The following PTPRT variants were observed in gnomAD, a reference collection of about 807,000 sequenced individuals.
PTPRT encodes protein tyrosine phosphatase receptor type T.
PTPRT carries 56 observed loss-of-function variants against 176.8 expected under a neutral mutation model. That is an observed-to-expected ratio of 0.32 (90% CI 0.26 to 0.40). The LOEUF (loss-of-function observed/expected upper bound fraction) is 0.40. Ranked by LOEUF, PTPRT falls within the 10% of genes least tolerant of loss-of-function variation. PTPRT has a pLI of 1.00. For synonymous variants in PTPRT, 783 were observed against 739.0 expected, an observed-to-expected ratio of 1.06 and a Z score of -0.96; for missense variants, 1,540 against 1,908.2, an observed-to-expected ratio of 0.81 and a Z score of 3.60.
At chr20:42,223,482 G>A (rs1447640107) in intron 15 of PTPRT, among the ~76,000 whole-genome samples, 9 of 152,162 alleles carry the variant, frequency 5.9e-5, no homozygotes, top group Non-Finnish European at 4.4e-5. Flanking sequence ...ACCATTCAGA[G>A]CTAAGGCAAA....
intron 6 of PTPRT, among the ~76,000 whole-genome samples, chr20:42,722,702 C>T (rs1378318113): frequency 6.6e-6 from 1 of 152,208 alleles, no homozygotes; most frequent in Non-Finnish European, 1.5e-5. Context: ...TATATCCACA[C>T]TATCCCACAT....
At chr20:42,967,847 C>T (rs1187315251) in intron 1 of PTPRT, among the ~76,000 whole-genome samples, 2 of 152,066 alleles carry the variant, frequency 1.3e-5, no homozygotes, top group African/African-American at 4.8e-5. Flanking sequence ...GGAAGAAATT[C>T]CAAAACTCAA....
At chr20:42,373,609 G>A (rs937422137) in intron 9 of PTPRT, among the ~76,000 whole-genome samples, 8 of 152,266 alleles carry the variant, frequency 5.3e-5, no homozygotes, top group East Asian at 3.9e-4. Flanking sequence ...ATATGAATTC[G>A]CAGTTGTAAT....
intron 11 of PTPRT, among the ~76,000 whole-genome samples, chr20:42,332,742 G>C (rs974489587): frequency 6.6e-6 from 1 of 152,020 alleles, no homozygotes; most frequent in Non-Finnish European, 1.5e-5. Flanking sequence ...GTGAAAACTA[G>C]AATTTGGAAA....
At chr20:42,869,393 C>A (rs1166999318) in intron 2 of PTPRT, among the ~76,000 whole-genome samples, 1 of 152,170 alleles carries the variant, frequency 6.6e-6, no homozygotes, top group Non-Finnish European at 1.5e-5. Flanking sequence ...CCCACCCTTG[C>A]TGCACGGTGT....
chr20:42,614,960 A>C (rs1275546995), intron 7 of PTPRT, among the ~76,000 whole-genome samples: 5 of 145,118 alleles, frequency 3.4e-5, no homozygotes, highest in Non-Finnish European at 6.0e-5. Flanking sequence ...TTATACTTTA[A>C]GTTTTAGGGT....
intron 1 of PTPRT, among the ~76,000 whole-genome samples, chr20:43,173,074 T>C (rs1344999864): frequency 6.6e-6 from 1 of 151,998 alleles, no homozygotes; most frequent in African/African-American, 2.4e-5. Flanking sequence ...GGTTTCTCCA[T>C]GTTGGTCACG....
At chr20:42,379,951 T>C (rs1232510792) in intron 9 of PTPRT, among the ~76,000 whole-genome samples, 1 of 152,178 alleles carries the variant, frequency 6.6e-6, no homozygotes, top group African/African-American at 2.4e-5. Flanking sequence ...ACGTGAAGGA[T>C]ATGAAGTCTG....
At chr20:42,071,911 G>T (rs895804689), downstream of PTPRT, among the ~76,000 whole-genome samples, 1 of 152,128 alleles carries the variant, frequency 6.6e-6, no homozygotes, top group Non-Finnish European at 1.5e-5. Context: ...TCCCACTTTG[G>T]TCTTCCAAAG....
At chr20:42,057,386 G>T in the PTPRT span, among the ~76,000 whole-genome samples, 2 of 152,138 alleles carry the variant, frequency 1.3e-5, no homozygotes, top group African/African-American at 2.4e-5. Flanking sequence ...AGGGTTTGAA[G>T]GGTACAGCAG....
intron 7 of PTPRT, among the ~76,000 whole-genome samples, chr20:42,575,089 G>A (rs947427091): frequency 6.6e-6 from 1 of 152,100 alleles, no homozygotes; most frequent in African/African-American, 2.4e-5. Context: ...AATACACAGG[G>A]AAAAAGGACC....
intron 9 of PTPRT, among the ~76,000 whole-genome samples, chr20:42,394,537 G>A (rs944846892): frequency 2.0e-5 from 3 of 152,168 alleles, no homozygotes; most frequent in African/African-American, 7.2e-5. Context: ...GGTTGACAGA[G>A]CAGAAAAACC....
chr20:42,182,379 T>A (rs1428095281), intron 16 of PTPRT, among the ~76,000 whole-genome samples: 1 of 152,146 alleles, frequency 6.6e-6, no homozygotes, highest in Non-Finnish European at 1.5e-5. Context: ...TGGATCAATA[T>A]GAAAGGAGAA....
chr20:42,540,303 T>C (rs2072554998), intron 7 of PTPRT, among the ~76,000 whole-genome samples: 1 of 151,794 alleles, frequency 6.6e-6, no homozygotes, highest in Non-Finnish European at 1.5e-5. Context: ...AGTGTGAGAG[T>C]CAATGACGGA....
intron 11 of PTPRT, among the ~76,000 whole-genome samples, chr20:42,341,228 C>T (rs2058106705): frequency 6.6e-6 from 1 of 152,066 alleles, no homozygotes; most frequent in Admixed American, 6.6e-5. Flanking sequence ...GGTTGCCTGG[C>T]CCTCAATATA....
chr20:42,199,681 C>T (rs906684818), intron 15 of PTPRT, among the ~76,000 whole-genome samples: 2 of 152,144 alleles, frequency 1.3e-5, no homozygotes, highest in African/African-American at 4.8e-5. Flanking sequence ...AGGAAATCAA[C>T]AAGATTTGTA....
At chr20:42,410,773 T>C (rs1307046349) in intron 9 of PTPRT, among the ~76,000 whole-genome samples, 1 of 152,120 alleles carries the variant, frequency 6.6e-6, no homozygotes, top group Non-Finnish European at 1.5e-5. Flanking sequence ...CAGAAAGATA[T>C]CTGAAAAATT....
At chr20:43,018,071 C>A (rs1985458591) in intron 1 of PTPRT, among the ~76,000 whole-genome samples, 1 of 152,174 alleles carries the variant, frequency 6.6e-6, no homozygotes, top group African/African-American at 2.4e-5. Context: ...TATTCTGCAA[C>A]TGAAGGAACT....
At chr20:42,393,628 A>C (rs572697332) in intron 9 of PTPRT, among the ~76,000 whole-genome samples, 1 of 152,270 alleles carries the variant, frequency 6.6e-6, no homozygotes, top group African/African-American at 2.4e-5. Context: ...ATCTCTTTCA[A>C]AGTAAAGTAC....
Sources: allele counts gnomAD v4.1 joint callset (sites outside exome capture counted in the v4.1 genomes callset), GRCh38; gene constraint gnomAD v4.1.1; transcripts MANE v1.5; gene names NCBI Gene and HGNC (gene_info 2026-07-23, HGNC 2026-07-21).